The following MTCH2 variants were observed in gnomAD, a reference collection of about 807,000 sequenced individuals.
The protein encoded by MTCH2 is mitochondrial carrier homolog 2.
MTCH2 carries 25 observed loss-of-function variants against 50.6 expected under a neutral mutation model. The ratio of observed to expected loss-of-function variants is 0.49; its 90% confidence interval spans 0.36 to 0.69. MTCH2 has a LOEUF of 0.69. MTCH2 is among the 30% of genes least tolerant of loss of function. The pLI, the probability that MTCH2 is intolerant of heterozygous loss-of-function variation, is 0.00. For missense variants in MTCH2, 273 were observed against 384.4 expected (o/e 0.71, Z 2.42); for synonymous variants, 106 against 132.0 (o/e 0.80, Z 1.35).
In MTCH2 at chr11:47,642,499, G is replaced by C; in HGVS notation, c.-34C>G. ...CCGCGGGCGGACGGACAGACAGACG[G>C]AGCCACCAAGCGACCCGGTGAGCCG... On this transcript the variant is annotated 5_prime_UTR_variant, in exon 1 of 13. Coordinates refer to ENST00000302503, the MANE Select transcript of MTCH2 (RefSeq NM_014342.4). 7 of 1,514,288 alleles carry C rather than the reference G, an allele frequency of 4.6e-6. No homozygotes were observed. The highest frequency in any genetic ancestry group is 5.3e-6 in the Non-Finnish European group (6 of 1,132,984). 93.8% of individuals were successfully genotyped at this position (1,514,288 alleles called of 1,614,324 possible). A position where few individuals can be genotyped will look rare whatever the true frequency, so the allele number is the denominator to read the frequency against.
At chr11:47,635,308 C>T (rs1372697276) in intron 4 of MTCH2, among the ~76,000 whole-genome samples, 1 of 152,110 alleles carries the variant, frequency 6.6e-6, no homozygotes, top group South Asian at 2.1e-4. Flanking sequence ...CTCTTAGATG[C>T]AAGTGATCCT....
intron 12 of MTCH2, 77 bp from the exon 13 acceptor site, chr11:47,618,996 C>T: frequency 7.8e-7 from 1 of 1,290,104 alleles, no homozygotes; most frequent in Admixed American, 1.7e-5. Flanking sequence ...GCAGAGAGGT[C>T]CAATTGGGAG....
At position 47,636,519 on chromosome 11, in the gene MTCH2, G is replaced by A. The variant is rs546575818; in HGVS notation, c.280-948C>T. ...GGCTGAGGCAGGCGGATCACCTGAC[G>A]TCAGGAGTTTGAGAACAGCCTGGCT... On this transcript the variant is annotated intron_variant, in intron 3 of 12. Coordinates refer to ENST00000302503, the MANE Select transcript of MTCH2 (RefSeq NM_014342.4). Among the ~76,000 whole-genome samples, 201 of 150,944 alleles carry A rather than the reference G, an allele frequency of 1.3e-3. 1 individual carries two copies. The highest frequency in any genetic ancestry group is 0.011 in the Middle Eastern group (3 of 284).
At chr11:47,626,503 G>A (rs1286754555) in intron 10 of MTCH2, among the ~76,000 whole-genome samples, 1 of 152,000 alleles carries the variant, frequency 6.6e-6, no homozygotes, top group Non-Finnish European at 1.5e-5. Flanking sequence ...GGAAAGGCAC[G>A]CCCCTTATGA....
intron 2 of MTCH2, 43 bp downstream of exon 2, chr11:47,638,924 G>A (rs1391317235): frequency 1.3e-6 from 2 of 1,581,748 alleles, no homozygotes; most frequent in East Asian, 2.2e-5. Flanking sequence ...GCCTATCACA[G>A]TCCTCAACGT....
chr11:47,611,508 T>G, the MTCH2 span, among the ~76,000 whole-genome samples: 2 of 152,230 alleles, frequency 1.3e-5, no homozygotes, highest in African/African-American at 4.8e-5. Flanking sequence ...TAATAGATTT[T>G]CCATGGAAAT....
chr11:47,621,436 C>CT (rs67019206), intron 12 of MTCH2, among the ~76,000 whole-genome samples: 3 of 138,104 alleles, frequency 2.2e-5, no homozygotes, highest in South Asian at 2.3e-4. Context: ...TTGTTATTGT[C>CT]TTTTTTTTTT....
At chr11:47,639,148 T>C in intron 1 of MTCH2, 97 bp from the exon 2 acceptor site, 1 of 1,052,588 alleles carries the variant, frequency 9.5e-7, no homozygotes, top group Non-Finnish European at 1.4e-6. Context: ...GGGTTATTTT[T>C]AAACACAAGT....
chr11:47,638,801 C>T lies in MTCH2; in HGVS notation c.177G>A (p.Gln59=). 6.2e-7 allele frequency: 1 copy of T among 1,614,048 alleles called. No homozygotes were observed. Among genetic ancestry groups the T allele is most frequent in the Non-Finnish European group, 8.5e-7 (1 of 1,179,974 alleles). Residue 59 remains glutamine, a synonymous_variant, in exon 3 of 13, where the codon CAG becomes CAA. Transcript: ENST00000302503. The part of the protein sequence containing the change: ...CQLPGLFSYA[Q]HIASIDGRRG... ...GCCTCCCATCGATACTGGCAATGTG[C>T]TGAGCTAAGAACACAAGTCAGAGAT...
intron 3 of MTCH2, among the ~76,000 whole-genome samples, chr11:47,636,638 A>G (rs2097308875): frequency 6.6e-6 from 1 of 151,898 alleles, no homozygotes; most frequent in Non-Finnish European, 1.5e-5. Flanking sequence ...AAGCTGGGGC[A>G]GGAGAATTGC....
chr11:47,641,772 G>A (rs900050454), intron 1 of MTCH2, among the ~76,000 whole-genome samples: 1 of 152,154 alleles, frequency 6.6e-6, no homozygotes, highest in East Asian at 1.9e-4. Flanking sequence ...GCTGGAAAGC[G>A]CTCAATGCAT....
downstream of MTCH2, among the ~76,000 whole-genome samples, chr11:47,615,176 T>G (rs1222308603): frequency 6.6e-6 from 1 of 151,354 alleles, no homozygotes; most frequent in Non-Finnish European, 1.5e-5. Context: ...TAGCTGGCAC[T>G]ACAGGTGCAC....
In MTCH2 at chr11:47,627,037, CACA is replaced by C. The variant is rs754642469; in HGVS notation, c.681+40_681+42del. 2.7e-5 allele frequency: 39 copies of C among 1,462,306 alleles called. No individual in the cohort carries two copies. The African/African-American group carries it at 4.7e-4, about 18-fold the overall frequency. The allele number at this position is 1,462,306 out of a possible 1,614,324, so 90.6% of individuals were successfully genotyped here. A position where few individuals can be genotyped will look rare whatever the true frequency, so the allele number is the denominator to read the frequency against. ...GATTTAAAAGGAAAACAAAACAAAACACAACTATTCCTAGAAGGTTAAAAGGAT... is the reference window on the plus strand; with the variant it reads ...GATTTAAAAGGAAAACAAAACAAAACACTATTCCTAGAAGGTTAAAAGGAT... On this transcript the variant is annotated intron_variant, in intron 10 of 12. Coordinates refer to ENST00000302503, the MANE Select transcript of MTCH2 (RefSeq NM_014342.4).
chr11:47,615,907 GCT>G (rs1290063196), downstream of MTCH2, among the ~76,000 whole-genome samples: 4 of 151,894 alleles, frequency 2.6e-5, no homozygotes, highest in Non-Finnish European at 4.4e-5. Flanking sequence ...TACTAAGGTT[GCT>G]TTTTTACCCT....
At chr11:47,624,702 A>G (rs955759035) in intron 11 of MTCH2, among the ~76,000 whole-genome samples, 1 of 152,064 alleles carries the variant, frequency 6.6e-6, no homozygotes, top group Non-Finnish European at 1.5e-5. Flanking sequence ...GGAAGCTGAG[A>G]TGGGAGGATC....
chr11:47,619,142 G>A (rs888189345), intron 12 of MTCH2, among the ~76,000 whole-genome samples: 1 of 152,240 alleles, frequency 6.6e-6, no homozygotes, highest in Non-Finnish European at 1.5e-5. Context: ...AGAACGCCCA[G>A]GTTGGATTCT....
rs532272380 is a variant in MTCH2, at chr11:47,636,552, C to T, written c.280-981G>A. Among the ~76,000 whole-genome samples, 18 of 148,224 alleles carry T rather than the reference C, an allele frequency of 1.2e-4. No homozygotes were observed. In the East Asian group the frequency reaches 3.5e-3, roughly 29 times the overall value. ...TTTGAGAACAGCCTGGCTGACATGGCGAAACCCCCTCTCTACTAAAAATAC... is the reference window on the plus strand; with the variant it reads ...TTTGAGAACAGCCTGGCTGACATGGTGAAACCCCCTCTCTACTAAAAATAC... On this transcript the variant is annotated intron_variant, in intron 3 of 12. Coordinates refer to ENST00000302503, the MANE Select transcript of MTCH2 (RefSeq NM_014342.4).
chr11:47,623,324 A>C (rs2097294989), intron 11 of MTCH2, among the ~76,000 whole-genome samples: 1 of 147,188 alleles, frequency 6.8e-6, no homozygotes, highest in South Asian at 2.2e-4. Flanking sequence ...GTGAGCCAAG[A>C]TTGCACTACT....
intron 5 of MTCH2, 32 bp downstream of exon 5, chr11:47,634,640 G>A (rs1182655363): frequency 7.1e-6 from 11 of 1,552,292 alleles, no homozygotes; most frequent in Admixed American, 1.7e-5. Flanking sequence ...TTTGATCTGG[G>A]CAAACAGCAC....
Sources: gnomAD v4.1 joint callset for allele counts (sites outside exome capture counted in the v4.1 genomes callset) on GRCh38, gnomAD v4.1.1 for gene constraint, MANE v1.5 for transcripts, NCBI Gene and HGNC (gene_info 2026-07-23, HGNC 2026-07-21) for gene names.